GRID1: variants seen among roughly 807,000 people sequenced by gnomAD.
The protein encoded by GRID1 is glutamate receptor ionotropic, delta-1.
A neutral mutation model predicts 98.0 loss-of-function variants in GRID1; 28 were observed. That is an observed-to-expected ratio of 0.29 (90% confidence interval 0.21 to 0.39). GRID1 has a LOEUF of 0.39. GRID1 is among the 10% of genes least tolerant of loss of function. The pLI, the probability that GRID1 is intolerant of heterozygous loss-of-function variation, is 1.00. For missense variants in GRID1, 1,111 were observed against 1,340.5 expected (o/e 0.83, Z 2.67); for synonymous variants, 553 against 538.5 (o/e 1.03, Z -0.37).
At chr10:86,293,766 T>C (rs1847549576) in intron 2 of GRID1, among the ~76,000 whole-genome samples, 1 of 152,064 alleles carries the variant, frequency 6.6e-6, no homozygotes, top group South Asian at 2.1e-4. Context: ...CATTCATTCA[T>C]TCATTCATTC....
At chr10:86,253,535 C>T (rs1846869728) in intron 2 of GRID1, among the ~76,000 whole-genome samples, 1 of 152,192 alleles carries the variant, frequency 6.6e-6, no homozygotes, top group African/African-American at 2.4e-5. Flanking sequence ...CATTGCCGCT[C>T]CCCAGCCCAT....
chr10:85,691,838 G>A (rs1473185765), intron 12 of GRID1, among the ~76,000 whole-genome samples: 1 of 152,186 alleles, frequency 6.6e-6, no homozygotes, highest in Non-Finnish European at 1.5e-5. Flanking sequence ...GGGCTTGTCA[G>A]AAGATTGATG....
intron 4 of GRID1, among the ~76,000 whole-genome samples, chr10:86,029,535 GAAC>G (rs766105899): frequency 1.3e-5 from 2 of 152,128 alleles, no homozygotes; most frequent in Non-Finnish European, 1.5e-5. Context: ...TTTATTCTAT[GAAC>G]AACATGTCCC....
At chr10:85,971,213 A>C (rs902475090) in intron 4 of GRID1, among the ~76,000 whole-genome samples, 2 of 152,050 alleles carry the variant, frequency 1.3e-5, no homozygotes, top group African/African-American at 4.8e-5. Flanking sequence ...TAAATGTAAA[A>C]GGTAAAATAA....
intron 2 of GRID1, among the ~76,000 whole-genome samples, chr10:86,224,221 A>T (rs1341263619): frequency 6.6e-6 from 1 of 150,632 alleles, no homozygotes; most frequent in Non-Finnish European, 1.5e-5. Flanking sequence ...GCATCTGCTT[A>T]AGTCACAACA....
chr10:85,963,975 C>T (rs2131850750), intron 4 of GRID1, among the ~76,000 whole-genome samples: 1 of 152,200 alleles, frequency 6.6e-6, no homozygotes, highest in East Asian at 1.9e-4. Context: ...AAATCACAAG[C>T]ATCCCTACAG....
chr10:86,137,860 G>A (rs2131971206), intron 4 of GRID1, among the ~76,000 whole-genome samples: 1 of 152,288 alleles, frequency 6.6e-6, no homozygotes, highest in South Asian at 2.1e-4. Flanking sequence ...GATGCATGAG[G>A]TAGCATTCTG....
At chr10:86,351,862 C>T (rs1453641114) in intron 2 of GRID1, among the ~76,000 whole-genome samples, 1 of 152,222 alleles carries the variant, frequency 6.6e-6, no homozygotes, top group Admixed American at 6.5e-5. Flanking sequence ...CATGCTAAGT[C>T]CTCTGTAATC....
At chr10:85,960,005 C>T (rs975335358) in intron 4 of GRID1, among the ~76,000 whole-genome samples, 4 of 152,120 alleles carry the variant, frequency 2.6e-5, no homozygotes, top group Non-Finnish European at 5.9e-5. Flanking sequence ...CCTCAGCCTC[C>T]TAAGTAGCTG....
intron 8 of GRID1, among the ~76,000 whole-genome samples, chr10:85,731,281 C>T (rs11592732): frequency 0.33 from 49,491 of 151,488 alleles, 8,261 homozygotes; most frequent in Middle Eastern, 0.37. Flanking sequence ...TAATAGGGTG[C>T]CTTGGTGTGA....
At chr10:86,173,066 G>A (rs1354295760) in intron 3 of GRID1, among the ~76,000 whole-genome samples, 1 of 152,156 alleles carries the variant, frequency 6.6e-6, no homozygotes, top group African/African-American at 2.4e-5. Context: ...TTAACAGACA[G>A]AATATCTGTC....
In GRID1 at chr10:86,228,784, G is replaced by T. The variant is rs544683817; in HGVS notation, c.236-22136C>A. 2.0e-5 allele frequency among the ~76,000 whole-genome samples: 3 copies of T among 152,270 alleles called. No individual in the cohort carries two copies. In the South Asian group the frequency reaches 6.2e-4, roughly 32 times the overall value. Reference sequence around the variant, plus strand: ...GTCACCCCTCAGGAAGTGGATGTGTGGGTTCCCTCCTGGCCCGGCCACTCT... The same window carrying T: ...GTCACCCCTCAGGAAGTGGATGTGTTGGTTCCCTCCTGGCCCGGCCACTCT... On this transcript the variant is annotated intron_variant, in intron 2 of 15. Coordinates refer to ENST00000327946, the MANE Select transcript of GRID1 (RefSeq NM_017551.3).
intron 10 of GRID1, among the ~76,000 whole-genome samples, chr10:85,726,445 T>A (rs1161615589): frequency 6.6e-6 from 1 of 152,204 alleles, no homozygotes; most frequent in Admixed American, 6.5e-5. Context: ...CCTTCTCTAA[T>A]TTAGTGTAGC....
At chr10:86,093,172 C>A (rs192468124) in intron 4 of GRID1, among the ~76,000 whole-genome samples, 132 of 152,204 alleles carry the variant, frequency 8.7e-4, no homozygotes, top group Non-Finnish European at 1.2e-3. Context: ...TTAAAAAATT[C>A]TTCAAACTGA....
rs1478421755 is a variant in GRID1 at position 86,366,671 on chromosome 10, T to C, written c.-279A>G. 6.7e-6 allele frequency among the ~76,000 whole-genome samples: 1 copy of C among 148,902 alleles called. No homozygotes were observed. The highest frequency in any genetic ancestry group is 2.0e-4 in the East Asian group (1 of 5,094). ...CGGCGCGGCGGGGGCGGCCCGCGGC[T>C]GTGGCAGCGGCGCTTCCCGCGGCTA... is the stretch of plus-strand genomic sequence containing the variant. On this transcript the variant is annotated 5_prime_UTR_variant, in exon 1 of 16. Transcript: ENST00000327946. This position sits in a 1 kb window ranked among gnomAD's most constrained non-coding sequence, Gnocchi z 4.1.
chr10:86,363,415 C>G (rs925467819), intron 2 of GRID1, among the ~76,000 whole-genome samples: 3 of 152,224 alleles, frequency 2.0e-5, no homozygotes, highest in African/African-American at 7.2e-5. Context: ...AGAGAAGCGC[C>G]GGGCTGAGGC....
intron 4 of GRID1, among the ~76,000 whole-genome samples, chr10:85,940,604 C>A (rs1221352545): frequency 6.6e-6 from 1 of 152,136 alleles, no homozygotes; most frequent in Non-Finnish European, 1.5e-5. Flanking sequence ...TTTTATAGAC[C>A]CTAGGCTTCT....
At chr10:86,210,039 C>T (rs1846085993) in intron 2 of GRID1, among the ~76,000 whole-genome samples, 1 of 152,100 alleles carries the variant, frequency 6.6e-6, no homozygotes, top group Non-Finnish European at 1.5e-5. Flanking sequence ...ACCACAGGTC[C>T]CATCTTTGAG....
At chr10:85,894,579 T>C (rs1184220040) in intron 5 of GRID1, among the ~76,000 whole-genome samples, 1 of 152,178 alleles carries the variant, frequency 6.6e-6, no homozygotes, top group Non-Finnish European at 1.5e-5. Flanking sequence ...AATGTATATT[T>C]CAAAACTCCA....
Sources: allele counts gnomAD v4.1 joint callset (sites outside exome capture counted in the v4.1 genomes callset), GRCh38; gene constraint gnomAD v4.1.1; non-coding constraint Gnocchi (gnomAD v3.1); transcripts MANE v1.5; gene names NCBI Gene and HGNC (gene_info 2026-07-23, HGNC 2026-07-21).